Variants in ETV6 observed in about 807,000 individuals in gnomAD.
ETV6 encodes ETS variant transcription factor 6.
In ETV6, 16 loss-of-function variants were observed where a neutral mutation model predicts 51.1. The observed-to-expected ratio is 0.31, with a 90% CI of 0.21 to 0.48. ETV6 has a LOEUF of 0.48. Among genes scored for constraint, ETV6 ranks in the 20% least tolerant of loss-of-function variants. The probability of loss-of-function intolerance (pLI) is 0.99; values close to 1 mark genes in which losing one functional copy is unlikely to be tolerated. For missense variants in ETV6, 458 were observed against 594.8 expected (o/e 0.77, Z 2.39); for synonymous variants, 240 against 224.1 (o/e 1.07, Z -0.64).
At chr12:11,858,887 A>G (rs1946670445) in intron 4 of ETV6, among the ~76,000 whole-genome samples, 1 of 152,112 alleles carries the variant, frequency 6.6e-6, no homozygotes, top group Non-Finnish European at 1.5e-5. Flanking sequence ...TACAACTAGC[A>G]CATGGGAATG....
At chr12:11,783,291 A>T (rs1421273852) in intron 2 of ETV6, among the ~76,000 whole-genome samples, 1 of 152,140 alleles carries the variant, frequency 6.6e-6, no homozygotes, top group East Asian at 1.9e-4. Flanking sequence ...GGAAAGAATG[A>T]TCCTGCCCAA....
At chr12:11,828,569 A>G (rs1203028974) in intron 2 of ETV6, among the ~76,000 whole-genome samples, 1 of 152,232 alleles carries the variant, frequency 6.6e-6, no homozygotes, top group Admixed American at 6.5e-5. Context: ...ACTAAAAAAA[A>G]TACTAAACGG....
intron 2 of ETV6, among the ~76,000 whole-genome samples, chr12:11,755,901 C>A (rs1000490096): frequency 6.6e-6 from 1 of 152,118 alleles, no homozygotes; most frequent in Non-Finnish European, 1.5e-5. Flanking sequence ...CAGATAAATC[C>A]TCTCCCTTAA....
At chr12:11,730,949 CA>C (rs1865584195) in intron 1 of ETV6, among the ~76,000 whole-genome samples, 1 of 152,162 alleles carries the variant, frequency 6.6e-6, no homozygotes, top group South Asian at 2.1e-4. Flanking sequence ...ACATGTTCCC[CA>C]GTGTAACCCC....
rs1865089056 is a variant in ETV6 at position 11,707,236 on chromosome 12, CT to C, written c.34-45213del. On this transcript the variant is annotated intron_variant, in intron 1 of 7. Coordinates refer to ENST00000396373, the MANE Select transcript of ETV6 (RefSeq NM_001987.5). ...TGGAGAGGAAAAAAAATCACATTCC[CT>C]GCTTCTCAAATGGGAAGTCTTAAAA... 3.9e-5 allele frequency among the ~76,000 whole-genome samples: 6 copies of C among 152,142 alleles called. No homozygotes were observed. The South Asian group carries it at 1.2e-3, about 32-fold the overall frequency.
chr12:11,853,351 T>A, intron 3 of ETV6, 76 bp from the exon 4 acceptor site: 2 of 1,579,460 alleles, frequency 1.3e-6, no homozygotes, highest in East Asian at 2.2e-5. Context: ...TGCCAGGCAC[T>A]TAGCTGCTGC....
chr12:11,786,267 C>G (rs963412627), intron 2 of ETV6, among the ~76,000 whole-genome samples: 5 of 151,814 alleles, frequency 3.3e-5, no homozygotes, highest in Admixed American at 6.6e-5. Context: ...ATTTTTCATG[C>G]CTGAATCTCA....
chr12:11,775,006 C>T (rs1373129401), intron 2 of ETV6, among the ~76,000 whole-genome samples: 6 of 152,204 alleles, frequency 3.9e-5, no homozygotes, highest in African/African-American at 7.2e-5. Flanking sequence ...CATAAAAACA[C>T]GATCTCTGCA....
At chr12:11,654,341 T>A (rs1863960355) in intron 1 of ETV6, among the ~76,000 whole-genome samples, 1 of 152,038 alleles carries the variant, frequency 6.6e-6, no homozygotes, top group Non-Finnish European at 1.5e-5. Flanking sequence ...ACCTCCTCTA[T>A]TTTTTACAGG....
rs1410158503 is a variant in ETV6 at position 11,894,873 on chromosome 12, A to C, written c.*3827A>C. On this transcript the variant is annotated 3_prime_UTR_variant, in exon 8 of 8. Transcript: ENST00000396373. ...TCCCACCCAGGAAACTGAAGATAAAAGATTTGGGAAAACACACCAAGAAAA... is the reference window on the plus strand; with the variant it reads ...TCCCACCCAGGAAACTGAAGATAAACGATTTGGGAAAACACACCAAGAAAA... 1 of 233,544 alleles carries C rather than the reference A, an allele frequency of 4.3e-6. No homozygotes were observed. The highest frequency in any genetic ancestry group is 6.0e-5 in the East Asian group (1 of 16,592). The allele number at this position is 233,544 out of a possible 1,614,324, so 14.5% of individuals were successfully genotyped here.
intron 2 of ETV6, among the ~76,000 whole-genome samples, chr12:11,769,194 G>C (rs539143829): frequency 2.0e-5 from 3 of 152,192 alleles, no homozygotes; most frequent in Non-Finnish European, 2.9e-5. Flanking sequence ...GATTTTATTA[G>C]CTTTCCTCTG....
rs1252508359 is a variant in ETV6 at position 11,893,472 on chromosome 12, TGAA to T, written c.*2433_*2435del. 1.3e-5 allele frequency: 3 copies of T among 231,698 alleles called. No homozygotes were observed. Among genetic ancestry groups the T allele is most frequent in the African/African-American group, 2.2e-5 (1 of 45,360 alleles). 14.4% of individuals were successfully genotyped at this position (231,698 alleles called of 1,614,324 possible). On this transcript the variant is annotated 3_prime_UTR_variant, in exon 8 of 8. Transcript: ENST00000396373. Reference sequence around the variant, plus strand: ...ACTTAGGATGATACCTTCAGCCACTTGAAGAAGAAATAGAAGGCGCTCATTCCA... The same window carrying T: ...ACTTAGGATGATACCTTCAGCCACTTGAAGAAATAGAAGGCGCTCATTCCA...
chr12:11,773,813 C>G (rs778643968), intron 2 of ETV6, among the ~76,000 whole-genome samples: 1 of 152,226 alleles, frequency 6.6e-6, no homozygotes, highest in Non-Finnish European at 1.5e-5. Context: ...TCCTCTGAAG[C>G]TGAGGTTCTC....
chr12:11,889,552 G>T (rs1323617171), intron 7 of ETV6, among the ~76,000 whole-genome samples: 2 of 152,188 alleles, frequency 1.3e-5, no homozygotes, highest in Non-Finnish European at 2.9e-5. Context: ...GCAGCTCTTT[G>T]ATGAGGAGAC....
chr12:11,743,578 A>G (rs1350980643), intron 1 of ETV6, among the ~76,000 whole-genome samples: 3 of 152,076 alleles, frequency 2.0e-5, no homozygotes, highest in African/African-American at 7.2e-5. Context: ...GGCATTATTC[A>G]GCGGTTCTCC....
Position 11,830,746 on chromosome 12 carries a change from C to G in ETV6, c.164-8394C>G, listed in dbSNP as rs543284619. Among the ~76,000 whole-genome samples, 97 of 152,354 alleles carry G rather than the reference C, an allele frequency of 6.4e-4. No homozygotes were observed. In the Middle Eastern group the frequency reaches 0.01, roughly 16 times the overall value. On this transcript the variant is annotated intron_variant, in intron 2 of 7. Transcript: ENST00000396373. ...CAAATCACTGCAAAATCCCCTTCAG[C>G]TACATGCATGGACATGTTAACTCTT...
At chr12:11,739,555 T>C (rs936474211) in intron 1 of ETV6, among the ~76,000 whole-genome samples, 6 of 152,354 alleles carry the variant, frequency 3.9e-5, no homozygotes, top group African/African-American at 1.4e-4. Context: ...CTGTGAATTT[T>C]ATGAACTCTA....
At chr12:11,829,447 C>T (rs541548236) in intron 2 of ETV6, among the ~76,000 whole-genome samples, 2 of 152,244 alleles carry the variant, frequency 1.3e-5, no homozygotes, top group South Asian at 4.1e-4. Context: ...GTGGTGCAGC[C>T]GGTGTTTTAA....
At chr12:11,849,487 C>T (rs769861110) in intron 3 of ETV6, among the ~76,000 whole-genome samples, 1 of 152,128 alleles carries the variant, frequency 6.6e-6, no homozygotes, top group Non-Finnish European at 1.5e-5. Flanking sequence ...ATCAAGAGAG[C>T]AGGCTGGGTG....
Sources: gnomAD v4.1 joint callset for allele counts (sites outside exome capture counted in the v4.1 genomes callset) on GRCh38, gnomAD v4.1.1 for gene constraint, MANE v1.5 for transcripts, NCBI Gene and HGNC (gene_info 2026-07-23, HGNC 2026-07-21) for gene names.